Variants in FBXO25 observed in about 807,000 individuals in gnomAD.
FBXO25 encodes F-box only protein 25.
A neutral mutation model predicts 51.9 loss-of-function variants in FBXO25; 45 were observed. That is an observed-to-expected ratio of 0.87 (90% confidence interval 0.68 to 1.11). The LOEUF (loss-of-function observed/expected upper bound fraction) is 1.11, where lower values mean the gene tolerates loss of function less well. Ranked by LOEUF, FBXO25 falls within the 50% of genes most tolerant of loss-of-function variation. The pLI, the probability that FBXO25 is intolerant of heterozygous loss-of-function variation, is 0.00. For missense variants in FBXO25, 507 were observed against 428.5 expected (o/e 1.18, Z -1.62); for synonymous variants, 199 against 151.0 (o/e 1.32, Z -2.33).
At chr8:426,365 C>G (rs1363387233) in intron 2 of FBXO25, among the ~76,000 whole-genome samples, 2 of 152,066 alleles carry the variant, frequency 1.3e-5, no homozygotes, top group Non-Finnish European at 2.9e-5. Flanking sequence ...GTTACTGAAC[C>G]TATTCTATTC....
intron 4 of FBXO25, 191 bp from the exon 5 acceptor site, chr8:435,424 A>G (rs1451660628): frequency 4.6e-6 from 3 of 647,080 alleles, no homozygotes; most frequent in South Asian, 4.4e-5. Flanking sequence ...TGTCTCAGGT[A>G]TACATAAACA....
intron 5 of FBXO25, among the ~76,000 whole-genome samples, chr8:446,978 C>G (rs1798773358): frequency 6.6e-6 from 1 of 152,148 alleles, no homozygotes; most frequent in South Asian, 2.1e-4. Context: ...TTCACAGACT[C>G]TAAAATGTGC....
chr8:439,813 A>G (rs762289451), intron 5 of FBXO25, among the ~76,000 whole-genome samples: 1 of 152,188 alleles, frequency 6.6e-6, no homozygotes, highest in African/African-American at 2.4e-5. Context: ...CATGCCTGCA[A>G]TCCCAGCACT....
rs776117443 is a variant in FBXO25, at chr8:435,565, A to T, written c.289-50A>T. 13 of 1,583,050 alleles carry T rather than the reference A, an allele frequency of 8.2e-6. No homozygotes were observed. The Admixed American group carries it at 2.7e-4, about 32-fold the overall frequency. ...GCACAATTAATTGACATTAACTGCC[A>T]ATTCTTTTTGGCTAATTGACTAATT... On this transcript the variant is annotated intron_variant, in intron 4 of 9. Transcript: ENST00000350302.
At chr8:418,462 C>T (rs1796948343) in intron 2 of FBXO25, among the ~76,000 whole-genome samples, 1 of 150,346 alleles carries the variant, frequency 6.7e-6, no homozygotes, top group Non-Finnish European at 1.5e-5. Flanking sequence ...GCCTCAGCCT[C>T]CTGAGTAGCT....
chr8:456,666 A>T (rs556522281), intron 7 of FBXO25, among the ~76,000 whole-genome samples: 52 of 152,310 alleles, frequency 3.4e-4, no homozygotes, highest in African/African-American at 1.3e-3. Context: ...CTTCATGTCC[A>T]GAATGTTAGA....
intron 2 of FBXO25, among the ~76,000 whole-genome samples, chr8:428,389 C>T (rs564437208): frequency 1.3e-5 from 2 of 152,240 alleles, no homozygotes; most frequent in South Asian, 2.1e-4. Flanking sequence ...GTATTTTCCG[C>T]TTGTGTTGTA....
chr8:457,152 G>A (rs753482860), intron 7 of FBXO25, among the ~76,000 whole-genome samples: 24 of 152,208 alleles, frequency 1.6e-4, no homozygotes, highest in South Asian at 4.1e-4. Flanking sequence ...GTGAGCACAC[G>A]ACAGAAGCGC....
chr8:474,258 T>A lies in FBXO25; in HGVS notation c.*5454T>A, dbSNP rs1275780697. 2 of 180,632 alleles carry A rather than the reference T, an allele frequency of 1.1e-5. No homozygotes were observed. The highest frequency in any genetic ancestry group is 1.1e-5 in the Non-Finnish European group (1 of 88,976). 11.2% of individuals were successfully genotyped at this position (180,632 alleles called of 1,614,324 possible). A position where few individuals can be genotyped will look rare whatever the true frequency, so the allele number is the denominator to read the frequency against. On this transcript the variant is annotated 3_prime_UTR_variant, in exon 10 of 10. Transcript: ENST00000350302. ...TCACTTAGCGTAATGTCCTCAAGGTTTATTCAAGTTGTAGGATATGTCAAG... is the reference window on the plus strand; with the variant it reads ...TCACTTAGCGTAATGTCCTCAAGGTATATTCAAGTTGTAGGATATGTCAAG...
chr8:417,922 T>G (rs1398230263), intron 2 of FBXO25, among the ~76,000 whole-genome samples: 6 of 152,252 alleles, frequency 3.9e-5, no homozygotes, highest in Non-Finnish European at 8.8e-5. Flanking sequence ...TTATGAAATC[T>G]AAGGTCCTAA....
At chr8:431,848 G>T (rs773399047) in intron 3 of FBXO25, among the ~76,000 whole-genome samples, 2 of 152,094 alleles carry the variant, frequency 1.3e-5, no homozygotes, top group Non-Finnish European at 2.9e-5. Context: ...CTGGAGGTGG[G>T]ACCTATCTAT....
At chr8:460,942 A>C (rs1031271479) in intron 8 of FBXO25, among the ~76,000 whole-genome samples, 13 of 152,242 alleles carry the variant, frequency 8.5e-5, no homozygotes, top group Admixed American at 2.0e-4. Flanking sequence ...TATGTTATAC[A>C]AGTGATTGTT....
intron 2 of FBXO25, among the ~76,000 whole-genome samples, chr8:417,225 G>T (rs1796861828): frequency 1.3e-5 from 2 of 152,208 alleles, no homozygotes; most frequent in African/African-American, 4.8e-5. Flanking sequence ...TTTTCTGAGT[G>T]ATGTGGGGAG....
In FBXO25 at chr8:407,008, G is replaced by T. The variant is rs1019916646; in HGVS notation, c.-66G>T. 1 of 152,254 alleles carries T rather than the reference G, an allele frequency of 6.6e-6. No individual in the cohort carries two copies. Among genetic ancestry groups the T allele is most frequent in the South Asian group, 2.1e-4 (1 of 4,840 alleles). The allele number at this position is 152,254 out of a possible 1,614,324, so 9.4% of individuals were successfully genotyped here. ...GCGGGCCCAGGTGGCCGGCGCGCCC[G>T]TTGGGCACTGGGGGACGCGGGCGCG... On this transcript the variant is annotated 5_prime_UTR_variant, in exon 1 of 10. Coordinates refer to ENST00000350302, the MANE Select transcript of FBXO25 (RefSeq NM_183420.2).
At chr8:426,437 A>G (rs1322544384) in intron 2 of FBXO25, among the ~76,000 whole-genome samples, 1 of 151,942 alleles carries the variant, frequency 6.6e-6, no homozygotes, top group Non-Finnish European at 1.5e-5. Flanking sequence ...TTCTGATTTT[A>G]CAGACATGCA....
intron 9 of FBXO25, chr8:467,651 T>TCTTAA: frequency 1.3e-6 from 2 of 1,504,530 alleles, no homozygotes; most frequent in African/African-American, 2.7e-5. Flanking sequence ...CTCTTTCTAA[T>TCTTAA]CTTAACTTTT....
In FBXO25 at chr8:468,913, CA is replaced by C; in HGVS notation, c.*110del. ...GAGACTCCTCGGAAGCCCCTGCTTC[CA>C]GAAAGCCTGGGAAGAACTGCCCTTC... On this transcript the variant is annotated 3_prime_UTR_variant, in exon 10 of 10. Coordinates refer to ENST00000350302, the MANE Select transcript of FBXO25 (RefSeq NM_183420.2). The C allele has an allele frequency of 9.7e-7, 1 of 1,028,050 alleles. No individual in the cohort carries two copies. Among genetic ancestry groups the C allele is most frequent in the Non-Finnish European group, 1.4e-6 (1 of 725,984 alleles). 63.7% of individuals were successfully genotyped at this position (1,028,050 alleles called of 1,614,324 possible). A position where few individuals can be genotyped will look rare whatever the true frequency, so the allele number is the denominator to read the frequency against.
In FBXO25 at chr8:426,815, C is replaced by G. The variant is rs1377694737; in HGVS notation, c.135-4526C>G. ...CCACATTGGCTGTGGCTCCACCTGG[C>G]CTTGGTGCTCTTGTCGCCCTCTGCT... On this transcript the variant is annotated intron_variant, in intron 2 of 9. Transcript: ENST00000350302. 2.6e-5 allele frequency among the ~76,000 whole-genome samples: 4 copies of G among 152,190 alleles called. No homozygotes were observed. In the East Asian group the frequency reaches 7.7e-4, roughly 29 times the overall value.
chr8:443,242 A>AT (rs1285417241), intron 5 of FBXO25, among the ~76,000 whole-genome samples: 1 of 151,214 alleles, frequency 6.6e-6, no homozygotes, highest in Admixed American at 6.6e-5. Flanking sequence ...TGCCAAAAAA[A>AT]GTTTGTCCTC....
Sources: allele counts gnomAD v4.1 joint callset (sites outside exome capture counted in the v4.1 genomes callset), GRCh38; gene constraint gnomAD v4.1.1; transcripts MANE v1.5; gene names NCBI Gene and HGNC (gene_info 2026-07-23, HGNC 2026-07-21).